The following ALG5 variants were observed in gnomAD, a reference collection of about 807,000 sequenced individuals.
ALG5 encodes the protein ALG5 dolichyl-phosphate beta-glucosyltransferase.
In ALG5, 26 loss-of-function variants were observed where a neutral mutation model predicts 51.8. The observed-to-expected ratio is 0.50, with a 90% CI of 0.37 to 0.70. The LOEUF (loss-of-function observed/expected upper bound fraction) is 0.70, where lower values mean the gene tolerates loss of function less well. ALG5 is among the 30% of genes least tolerant of loss of function. The pLI is 0.00. For synonymous variants in ALG5, 141 were observed against 136.1 expected, an observed-to-expected ratio of 1.04 and a Z score of -0.25; for missense variants, 311 against 399.3, an observed-to-expected ratio of 0.78 and a Z score of 1.88.
At chr13:36,977,267 T>C (rs1417366556) in intron 6 of ALG5, among the ~76,000 whole-genome samples, 1 of 152,254 alleles carries the variant, frequency 6.6e-6, no homozygotes, top group East Asian at 1.9e-4. Flanking sequence ...TCTGTAGACA[T>C]GGAGTCTCTT....
intron 1 of ALG5, chr13:36,998,931 G>A (rs769964267): frequency 5.0e-5 from 15 of 299,594 alleles, no homozygotes; most frequent in Non-Finnish European, 8.0e-5. Context: ...GAGGTGGGTA[G>A]GGGGCGCGGG....
At chr13:36,990,279 T>C (rs1012624462) in intron 4 of ALG5, among the ~76,000 whole-genome samples, 1 of 152,232 alleles carries the variant, frequency 6.6e-6, no homozygotes, top group African/African-American at 2.4e-5. Context: ...CGGTCCACTG[T>C]AGTAGGGCTC....
chr13:36,986,434 T>C (rs2059002196), intron 5 of ALG5, among the ~76,000 whole-genome samples: 1 of 152,208 alleles, frequency 6.6e-6, no homozygotes, highest in African/African-American at 2.4e-5. Flanking sequence ...CTCTGATGTA[T>C]TTGAGTGAAT....
intron 8 of ALG5, among the ~76,000 whole-genome samples, chr13:36,954,957 G>A (rs974301798): frequency 2.6e-5 from 4 of 152,190 alleles, no homozygotes; most frequent in African/African-American, 7.2e-5. Context: ...CTTGGAAGTT[G>A]TAGGGAACAT....
intron 8 of ALG5, among the ~76,000 whole-genome samples, chr13:36,955,686 G>GA (rs35130767): frequency 0.018 from 651 of 36,406 alleles, 18 homozygotes; most frequent in Non-Finnish European, 0.021. Flanking sequence ...CAGAGATTGT[G>GA]AAAAAAAAAA....
chr13:36,981,570 TTGAGA>T (rs1248557554), intron 6 of ALG5, among the ~76,000 whole-genome samples: 2 of 152,102 alleles, frequency 1.3e-5, no homozygotes, highest in African/African-American at 4.8e-5. Flanking sequence ...CAAGTTGAAG[TTGAGA>T]TAACTAGCCA....
chr13:36,967,222 CAA>C (rs1370057490), intron 7 of ALG5, among the ~76,000 whole-genome samples: 30 of 64,138 alleles, frequency 4.7e-4, no homozygotes, highest in Non-Finnish European at 5.1e-4. Context: ...GACTCCAACT[CAA>C]AAAAAAAAAA....
chr13:36,994,174 C>T (rs896127538), intron 3 of ALG5, among the ~76,000 whole-genome samples: 7 of 152,118 alleles, frequency 4.6e-5, no homozygotes, highest in African/African-American at 1.4e-4. Context: ...GAGGTAGAAG[C>T]CTCATACATA....
intron 8 of ALG5, among the ~76,000 whole-genome samples, chr13:36,960,816 AT>A (rs1023289789): frequency 6.7e-6 from 1 of 148,374 alleles, no homozygotes. Context: ...TAATTTTTGT[AT>A]TTTTTTTTGT....
At chr13:36,957,367 A>G (rs2138781875) in intron 8 of ALG5, among the ~76,000 whole-genome samples, 1 of 151,970 alleles carries the variant, frequency 6.6e-6, no homozygotes, top group South Asian at 2.1e-4. Context: ...CCCTTGTAGG[A>G]CAGAAAAGGC....
At chr13:36,982,944 T>G (rs1349691267) in intron 6 of ALG5, among the ~76,000 whole-genome samples, 1 of 152,194 alleles carries the variant, frequency 6.6e-6, no homozygotes, top group Non-Finnish European at 1.5e-5. Context: ...TTAATGATAA[T>G]CACATGCTTT....
In ALG5 at chr13:36,999,275, G is replaced by C. The variant is rs755340077; in HGVS notation, c.26C>G (p.Ala9Gly). 4 of 1,579,876 alleles carry C rather than the reference G, an allele frequency of 2.5e-6. No homozygotes were observed. In the African/African-American group the frequency reaches 5.6e-5, roughly 22 times the overall value. MAPLLLQL[A>G]VLGAALAAAA... ...GGCCGCCAGCGCCGCGCCGAGCACC[G>C]CCAGCTGCAACAGAAGCGGAGCCAT... The change falls in exon 1 of 10, where the codon GCG becomes GGG. Residue 9 changes from alanine to glycine, a missense_variant. Ala to Gly is a moderately conservative substitution (Grantham distance 60). Coordinates refer to ENST00000239891, the MANE Select transcript of ALG5 (RefSeq NM_013338.5).
At chr13:36,956,350 G>T (rs1400126715) in intron 8 of ALG5, among the ~76,000 whole-genome samples, 1 of 152,214 alleles carries the variant, frequency 6.6e-6, no homozygotes, top group Non-Finnish European at 1.5e-5. Context: ...AGGAGGTGGA[G>T]AAGTGGGAAA....
chr13:36,987,610 T>G (rs1406857395), intron 5 of ALG5, among the ~76,000 whole-genome samples: 1 of 152,210 alleles, frequency 6.6e-6, no homozygotes, highest in East Asian at 1.9e-4. Context: ...TAGAGGCAAA[T>G]GCTGGCACCA....
At chr13:36,968,284 G>A (rs1051606102) in intron 7 of ALG5, among the ~76,000 whole-genome samples, 1 of 152,078 alleles carries the variant, frequency 6.6e-6, no homozygotes, top group Non-Finnish European at 1.5e-5. Context: ...CAGTGTTAAC[G>A]CTAGTATCTT....
Position 36,952,526 on chromosome 13 carries a change from T to C in ALG5, c.847A>G (p.Thr283Ala). Residue 283 changes from threonine to alanine, a missense_variant, in exon 9 of 10, where the codon ACA becomes GCA. Coordinates refer to ENST00000239891, the MANE Select transcript of ALG5 (RefSeq NM_013338.5). Reference protein sequence around the residue: ...IPIAEIAVNWTEIEGSKLVPF... With the variant: ...IPIAEIAVNWAEIEGSKLVPF... ...ACAATATACTCACCTTCAATTTCTG[T>C]CCAGTTGACAGCAATTTCTGCTATT... 1.3e-6 allele frequency: 2 copies of C among 1,597,866 alleles called. No individual in the cohort carries two copies. The highest frequency in any genetic ancestry group is 8.5e-7 in the Non-Finnish European group (1 of 1,173,206).
intron 9 of ALG5, among the ~76,000 whole-genome samples, chr13:36,952,067 T>G (rs187931174): frequency 6.6e-6 from 1 of 152,220 alleles, no homozygotes; most frequent in Non-Finnish European, 1.5e-5. Flanking sequence ...ATTACAGGCA[T>G]GAGGCATGGT....
Position 36,957,079 on chromosome 13 carries a change from C to A in ALG5, c.774-4480G>T, listed in dbSNP as rs548187671. On this transcript the variant is annotated intron_variant, in intron 8 of 9. Transcript: ENST00000239891. ...AATGGAAATTACTTAAAACCCTTCA[C>A]CAGACCTTTCACTTAGGCATTGATA... Among the ~76,000 whole-genome samples the A allele has an allele frequency of 2.8e-4, 43 of 152,060 alleles. 1 individual carries two copies. Among genetic ancestry groups the A allele is most frequent in the African/African-American group, 9.4e-4 (39 of 41,456 alleles).
intron 6 of ALG5, among the ~76,000 whole-genome samples, chr13:36,979,244 C>T (rs1270781413): frequency 6.6e-6 from 1 of 152,126 alleles, no homozygotes; most frequent in Non-Finnish European, 1.5e-5. Context: ...TCTCAAACGC[C>T]TGTCCTCAGG....
Sources: gnomAD v4.1 joint callset for allele counts (sites outside exome capture counted in the v4.1 genomes callset) on GRCh38, gnomAD v4.1.1 for gene constraint, MANE v1.5 for transcripts, NCBI Gene and HGNC (gene_info 2026-07-23, HGNC 2026-07-21) for gene names.